CROCC: variants seen among roughly 807,000 people sequenced by gnomAD.
CROCC encodes the protein rootletin.
CROCC carries 180 observed loss-of-function variants against 245.2 expected under a neutral mutation model. The observed-to-expected ratio is 0.73, with a 90% confidence interval of 0.65 to 0.83. The LOEUF (loss-of-function observed/expected upper bound fraction) is 0.83. CROCC is among the 40% of genes least tolerant of loss of function. The pLI, the probability that CROCC is intolerant of heterozygous loss-of-function variation, is 0.00. For missense variants in CROCC, 2,688 were observed against 2,779.4 expected (o/e 0.97, Z 0.74); for synonymous variants, 1,205 against 1,241.6 (o/e 0.97, Z 0.62).
intron 20 of CROCC, 113 bp from the exon 21 acceptor site, chr1:16,953,189 C>G: frequency 4.4e-6 from 4 of 900,258 alleles, no homozygotes; most frequent in Non-Finnish European, 6.7e-6. Context: ...TACCTGGTCA[C>G]CCTCCATCTC....
upstream of CROCC, among the ~76,000 whole-genome samples, chr1:16,920,341 T>G (rs548628709): frequency 1.3e-5 from 2 of 152,360 alleles, no homozygotes; most frequent in Admixed American, 1.3e-4. Context: ...CATCCCAAAG[T>G]GCTGGGATTA....
chr1:16,956,109 C>T lies in CROCC; in HGVS notation c.3817C>T (p.Arg1273Cys), dbSNP rs868559006. The change falls in exon 25 of 37, where the codon CGC (arginine) becomes TGC (cysteine). Residue 1273 changes from arginine to cysteine, a missense_variant. By Grantham distance (180) the Arg-to-Cys change is radical (BLOSUM62 -3). Transcript: ENST00000375541. Reference sequence around the variant, plus strand: ...GCGAACTGGGCTGCAGGAGGTGGAGCGCTCACGGCTGGAGGCTCGGCGGGA... The same window carrying T: ...GCGAACTGGGCTGCAGGAGGTGGAGTGCTCACGGCTGGAGGCTCGGCGGGA... ...ELRTGLQEVE[R>C]SRLEARRELQ... 1.2e-5 allele frequency: 19 copies of T among 1,549,938 alleles called. No homozygotes were observed. The highest frequency in any genetic ancestry group is 1.7e-4 in the Middle Eastern group (1 of 6,008).
rs781251134 is a variant in CROCC at position 16,955,267 on chromosome 1, G to A, written c.3466-45G>A. 5 of 1,582,658 alleles carry A rather than the reference G, an allele frequency of 3.2e-6. 1 individual carries two copies. The South Asian group carries it at 5.5e-5, about 18-fold the overall frequency. ...TGGGGTACAAGACCCAGCTTGACGGGGGGGTCCCTGACCGCTGCCCTGGGG... is the reference window on the plus strand; with the variant it reads ...TGGGGTACAAGACCCAGCTTGACGGAGGGGTCCCTGACCGCTGCCCTGGGG... On this transcript the variant is annotated intron_variant, in intron 23 of 36. Coordinates refer to ENST00000375541, the MANE Select transcript of CROCC (RefSeq NM_014675.5).
In CROCC at chr1:16,966,275, A is replaced by G; in HGVS notation, c.4697-133A>G. The stretch of plus-strand genomic sequence containing the variant: ...TCCTTGGACAGCCTCACCTGTGTGC[A>G]GGCCCGCATACTACGAAGGGTGCAG... On this transcript the variant is annotated intron_variant, in intron 29 of 36. Transcript: ENST00000375541. The surrounding 1 kb of genome is among the most constrained non-coding windows in gnomAD (Gnocchi z 4.8). 1 of 1,427,414 alleles carries G rather than the reference A, an allele frequency of 7.0e-7. No individual in the cohort carries two copies. Among genetic ancestry groups the G allele is most frequent in the Non-Finnish European group, 9.3e-7 (1 of 1,079,450 alleles). 88.4% of individuals were successfully genotyped at this position (1,427,414 alleles called of 1,614,324 possible). A position where few individuals can be genotyped will look rare whatever the true frequency, so the allele number is the denominator to read the frequency against.
At chr1:16,930,251 G>T in intron 5 of CROCC, 35 bp from the exon 6 acceptor site, 1 of 1,590,076 alleles carries the variant, frequency 6.3e-7, no homozygotes, top group Non-Finnish European at 8.6e-7. Flanking sequence ...CCCTCCACCT[G>T]CCCAACCTGA....
chr1:16,923,412 G>A (rs562185808), intron 2 of CROCC, among the ~76,000 whole-genome samples: 5 of 152,408 alleles, frequency 3.3e-5, no homozygotes, highest in Non-Finnish European at 7.3e-5. Context: ...TGGAGCCCCA[G>A]ACAGGGAGAG....
At position 16,944,285 on chromosome 1, in the gene CROCC, G is replaced by A. The variant is rs6684687; in HGVS notation, c.1991+3G>A. 1 of 1,531,230 alleles carries A rather than the reference G, an allele frequency of 6.5e-7. No individual in the cohort carries two copies. Among genetic ancestry groups the A allele is most frequent in the Non-Finnish European group, 8.8e-7 (1 of 1,137,246 alleles). 94.9% of individuals were successfully genotyped at this position (1,531,230 alleles called of 1,614,324 possible). A position where few individuals can be genotyped will look rare whatever the true frequency, so the allele number is the denominator to read the frequency against. On this transcript the variant is annotated splice_donor_region_variant and intron_variant, in intron 14 of 36. Transcript: ENST00000375541. Reference sequence around the variant, plus strand: ...GTGCGCCGGGAGCTTGAGCGCAGGTGAGCAGCATCTCGCCACCCTGCCAGG... The same window carrying A: ...GTGCGCCGGGAGCTTGAGCGCAGGTAAGCAGCATCTCGCCACCCTGCCAGG...
Position 16,939,117 on chromosome 1 carries a change from T to A in CROCC, c.1583T>A (p.Leu528Gln), listed in dbSNP as rs778342099. 8 of 1,537,958 alleles carry A rather than the reference T, an allele frequency of 5.2e-6. No individual in the cohort carries two copies. The South Asian group carries it at 8.7e-5, about 17-fold the overall frequency. The change falls in exon 12 of 37, where the codon CTG (leucine) becomes CAG (glutamine). Residue 528 changes from leucine (L) to glutamine (Q), a missense_variant. Around this residue, in one of 9 missense-constraint regions of CROCC, gnomAD observed 972 missense variants for 895.3 expected, o/e 1.09. Transcript: ENST00000375541. ...SSTLALIHSA[L>Q]HKRQLQVQDM... ...ACGCTCGCCCTGATCCACTCCGCCC[T>A]GCACAAGCGCCAGCTGCAGGTCCAG...
chr1:16,931,893 A>G (rs1227126713), intron 8 of CROCC, among the ~76,000 whole-genome samples: 1 of 152,128 alleles, frequency 6.6e-6, no homozygotes, highest in African/African-American at 2.4e-5. Context: ...AGTTGCTGGG[A>G]TAACAGGCAC....
At position 16,946,791 on chromosome 1, in the gene CROCC, C is replaced by G; in HGVS notation, c.2314C>G (p.Arg772Gly). 1 of 1,552,128 alleles carries G rather than the reference C, an allele frequency of 6.4e-7. No homozygotes were observed. Among genetic ancestry groups the G allele is most frequent in the Non-Finnish European group, 8.7e-7 (1 of 1,147,338 alleles). The change falls in exon 17 of 37, where the codon CGG (arginine) becomes GGG (glycine). Residue 772 changes from arginine (R) to glycine (G), a missense_variant. Coordinates refer to ENST00000375541, the MANE Select transcript of CROCC (RefSeq NM_014675.5). ...LEEEKSALQG[R>G]QRQAEQEATV... ...GGAAGAAAAGTCCGCCCTGCAGGGC[C>G]GGCAACGGCAGGCAGAGCAGGAGGC...
intron 2 of CROCC, 82 bp downstream of exon 2, chr1:16,922,880 GA>G: frequency 6.5e-7 from 1 of 1,537,500 alleles, no homozygotes; most frequent in Non-Finnish European, 8.8e-7. Flanking sequence ...CAGTCACCAT[GA>G]TGATCATGAC....
Position 16,954,965 on chromosome 1 carries a change from G to A in CROCC, c.3465+88G>A. The A allele has an allele frequency of 2.1e-6, 3 of 1,406,920 alleles. No individual in the cohort carries two copies. The highest frequency in any genetic ancestry group is 2.8e-6 in the Non-Finnish European group (3 of 1,065,280). 87.2% of individuals were successfully genotyped at this position (1,406,920 alleles called of 1,614,324 possible). A position where few individuals can be genotyped will look rare whatever the true frequency, so the allele number is the denominator to read the frequency against. On this transcript the variant is annotated intron_variant, in intron 23 of 36. Transcript: ENST00000375541. The surrounding 1 kb of genome is among the most constrained non-coding windows in gnomAD (Gnocchi z 4.4). The stretch of plus-strand genomic sequence containing the variant: ...TAGTTCCCCAGGGCCCCAGAAGAGT[G>A]TAAGATTCCTCCCTGCATTTGAGGA...
At chr1:16,920,125 C>A (rs2075372733), upstream of CROCC, among the ~76,000 whole-genome samples, 7 of 152,328 alleles carry the variant, frequency 4.6e-5, no homozygotes, top group South Asian at 1.5e-3. Flanking sequence ...TGTCGCCAGG[C>A]TGGAGTGCAG....
At chr1:16,958,002 CT>C (rs67631012) in intron 25 of CROCC, among the ~76,000 whole-genome samples, 3 of 151,918 alleles carry the variant, frequency 2.0e-5, no homozygotes, top group East Asian at 1.9e-4. Context: ...GTACCCCTCC[CT>C]GCTCCTGTGG....
rs546120555 is a variant in CROCC at position 16,916,223 on chromosome 1, G to A, written n.126-14063G>A. Among the ~76,000 whole-genome samples, 11 of 150,878 alleles carry A rather than the reference G, an allele frequency of 7.3e-5. No homozygotes were observed. In the East Asian group the frequency reaches 2.0e-3, roughly 27 times the overall value. ...TGAGAGAAGGGGAGAGAGGAGATGAGGTGGGAAAAGTGGAGTGGGGCCAGA... is the reference window on the plus strand; with the variant it reads ...TGAGAGAAGGGGAGAGAGGAGATGAAGTGGGAAAAGTGGAGTGGGGCCAGA... On this transcript the variant is annotated intron_variant and non_coding_transcript_variant, in intron 1 of 8. Coordinates refer to the CROCC transcript ENST00000466256.
At chr1:16,939,219 G>GCGGGA in intron 12 of CROCC, 77 bp downstream of exon 12, 2 of 1,244,338 alleles carry the variant, frequency 1.6e-6, no homozygotes, top group Non-Finnish European at 2.1e-6. Flanking sequence ...TGGGGGCGGG[G>GCGGGA]GCGGGGGCAG....
Position 16,939,032 on chromosome 1 carries a change from T to TCGCC in CROCC, c.1501_1504dup (p.Gly502AlafsTer43). ...GACCCCGTCCCCACCGCGGCGCTCC[T>TCGCC]CGCCCGGCCGAGGCCGTTCACCCCG... On this transcript the variant is annotated frameshift_variant, in exon 12 of 37. Coordinates refer to ENST00000375541, the MANE Select transcript of CROCC (RefSeq NM_014675.5). LOFTEE classifies it high-confidence loss of function. 1 of 1,595,596 alleles carries TCGCC rather than the reference T, an allele frequency of 6.3e-7. No homozygotes were observed. The highest frequency in any genetic ancestry group is 8.5e-7 in the Non-Finnish European group (1 of 1,174,070).
In CROCC at chr1:16,966,201, C is replaced by T; in HGVS notation, c.4696+82C>T. 1.3e-6 allele frequency: 2 copies of T among 1,533,130 alleles called. No homozygotes were observed. The highest frequency in any genetic ancestry group is 8.8e-7 in the Non-Finnish European group (1 of 1,136,018). 95.0% of individuals were successfully genotyped at this position (1,533,130 alleles called of 1,614,324 possible). ...AGGAGCCGGGGGATTGGCCTCTGAC[C>T]TTGCCGTGGCCCCCATGACCTGACT... On this transcript the variant is annotated intron_variant, in intron 29 of 36. Coordinates refer to ENST00000375541, the MANE Select transcript of CROCC (RefSeq NM_014675.5). This position sits in a 1 kb window ranked among gnomAD's most constrained non-coding sequence, Gnocchi z 4.8.
At chr1:16,919,813 C>G (rs1344356080), upstream of CROCC, among the ~76,000 whole-genome samples, 1 of 152,262 alleles carries the variant, frequency 6.6e-6, no homozygotes, top group Non-Finnish European at 1.5e-5. Flanking sequence ...CTCCTGGGCT[C>G]AAGCGATTCT....
Sources: allele counts gnomAD v4.1 joint callset (sites outside exome capture counted in the v4.1 genomes callset), GRCh38; gene constraint gnomAD v4.1.1; regional missense constraint gnomAD v4.1.1; non-coding constraint Gnocchi (gnomAD v3.1); transcripts MANE v1.5; gene names NCBI Gene and HGNC (gene_info 2026-07-23, HGNC 2026-07-21).